LRAT: variants seen among roughly 807,000 people sequenced by gnomAD.
LRAT encodes the protein lecithin retinol acyltransferase.
In LRAT, 11 loss-of-function variants were observed where a neutral mutation model predicts 14.2. The observed-to-expected ratio is 0.78, with a 90% CI of 0.49 to 1.29. LRAT has a LOEUF of 1.29. LRAT is among the 50% of genes most tolerant of loss of function. The pLI is 0.00. For synonymous variants in LRAT, 144 were observed against 124.8 expected (o/e 1.15, Z -1.03); for missense variants, 274 against 292.4 (o/e 0.94, Z 0.46).
rs1199843946 is a variant in LRAT at position 154,749,084 on chromosome 4, A to C, written c.641A>C (p.Tyr214Ser). The C allele has an allele frequency of 5.6e-6, 9 of 1,613,740 alleles. No individual in the cohort carries two copies. In the African/African-American group the frequency reaches 1.1e-4, roughly 19 times the overall value. ...ATAGTCTGTACGGGCTTGGTATCAT[A>C]CACTACCCTTCCTGCAATTTTTATT... The part of the protein sequence containing the change: ...ASIVCTGLVS[Y>S]TTLPAIFIPF... The change falls in exon 3 of 3, where the codon TAC becomes TCC. Residue 214 changes from tyrosine to serine, a missense_variant. Physicochemically the swap from Tyr to Ser is moderately radical, Grantham distance 144 (BLOSUM62 -2). Coordinates refer to ENST00000336356, the MANE Select transcript of LRAT (RefSeq NM_004744.5).
At chr4:154,740,948 C>T (rs1732759892), upstream of LRAT, 1 of 152,214 alleles carries the variant, frequency 6.6e-6, no homozygotes, top group African/African-American at 2.4e-5. Context: ...TTTAGAAGAA[C>T]TAATGTTAGA....
chr4:154,747,805 A>T (rs1578862356), intron 2 of LRAT, among the ~76,000 whole-genome samples: 1 of 152,256 alleles, frequency 6.6e-6, no homozygotes, highest in East Asian at 1.9e-4. Context: ...CTAGTTTATT[A>T]AAAAAGGACA....
rs1178920244 is a variant in LRAT at position 154,744,367 on chromosome 4, A to T, written c.41A>T (p.Glu14Val). The T allele has an allele frequency of 3.7e-6, 6 of 1,614,014 alleles. No homozygotes were observed. Among genetic ancestry groups the T allele is most frequent in the Non-Finnish European group, 5.1e-6 (6 of 1,180,044 alleles). Reference protein sequence around the residue: ...PMLEVVSLLLEKLLLISNFTL... With the variant: ...PMLEVVSLLLVKLLLISNFTL... ...CTGGAGGTGGTGTCTTTACTACTGGAGAAGCTGCTCCTCATCTCCAACTTC... is the reference window on the plus strand; with the variant it reads ...CTGGAGGTGGTGTCTTTACTACTGGTGAAGCTGCTCCTCATCTCCAACTTC... The change falls in exon 2 of 3, where the codon GAG becomes GTG. Residue 14 changes from glutamate to valine, a missense_variant. By Grantham distance (121) the Glu-to-Val change is moderately radical. Transcript: ENST00000336356.
rs1204966535 is a variant in LRAT, at chr4:154,751,785, T to C, written c.*2649T>C. 7.0e-6 allele frequency: 1 copy of C among 143,132 alleles called. No homozygotes were observed. Among genetic ancestry groups the C allele is most frequent in the Non-Finnish European group, 1.5e-5 (1 of 65,982 alleles). The allele number at this position is 143,132 out of a possible 1,614,324, so 8.9% of individuals were successfully genotyped here. A position where few individuals can be genotyped will look rare whatever the true frequency, so the allele number is the denominator to read the frequency against. On this transcript the variant is annotated 3_prime_UTR_variant, in exon 3 of 3. Coordinates refer to ENST00000336356, the MANE Select transcript of LRAT (RefSeq NM_004744.5). ...AAAAAGAAGAAGAAACCCTGAGCCA[T>C]TAATGTGTCTCGTAACTTGAGGAAG...
At chr4:154,741,512 C>T (rs994256893), upstream of LRAT, among the ~76,000 whole-genome samples, 6 of 152,140 alleles carry the variant, frequency 3.9e-5, no homozygotes, top group African/African-American at 1.4e-4. Flanking sequence ...CTTCAAGAAA[C>T]TATGGACACT....
At chr4:154,743,940 A>G (rs1046447118), upstream of LRAT, 11 of 165,736 alleles carry the variant, frequency 6.6e-5, no homozygotes, top group African/African-American at 9.9e-5. Context: ...CGGGTCTGTG[A>G]CGGCCTTCGG....
intron 2 of LRAT, among the ~76,000 whole-genome samples, chr4:154,746,191 A>G (rs1356135907): frequency 1.3e-5 from 2 of 152,328 alleles, no homozygotes; most frequent in Non-Finnish European, 2.9e-5. Flanking sequence ...TTCAGTCTTT[A>G]TAATGGAAAC....
chr4:154,753,034 A>G lies in LRAT; in HGVS notation c.*3898A>G, dbSNP rs549326101. 1 of 152,344 alleles carries G rather than the reference A, an allele frequency of 6.6e-6. No homozygotes were observed. The highest frequency in any genetic ancestry group is 6.5e-5 in the Admixed American group (1 of 15,302). The allele number at this position is 152,344 out of a possible 1,614,324, so 9.4% of individuals were successfully genotyped here. A position where few individuals can be genotyped will look rare whatever the true frequency, so the allele number is the denominator to read the frequency against. ...AATCTTTGTTTTGTATGATCTATTTAGAGTTTTAACCAACCTAGATCTGTC... is the reference window on the plus strand; with the variant it reads ...AATCTTTGTTTTGTATGATCTATTTGGAGTTTTAACCAACCTAGATCTGTC... On this transcript the variant is annotated 3_prime_UTR_variant, in exon 3 of 3. Transcript: ENST00000336356.
chr4:154,745,006 CTTTTTTTTTTTTTT>C lies in LRAT; in HGVS notation c.540+157_540+170del, dbSNP rs70947181. The stretch of plus-strand genomic sequence containing the variant: ...TTCCATACCATCCTTTTTCTTTTTC[CTTTTTTTTTTTTTT>C]TTTTTTTTTTTTTTTTGAGACGGAG... On this transcript the variant is annotated intron_variant, in intron 2 of 2. Coordinates refer to ENST00000336356, the MANE Select transcript of LRAT (RefSeq NM_004744.5). The C allele has an allele frequency of 6.7e-4, 164 of 246,148 alleles. No individual in the cohort carries two copies. The African/African-American group carries it at 7.4e-3, about 11-fold the overall frequency. 15.2% of individuals were successfully genotyped at this position (246,148 alleles called of 1,614,324 possible).
At chr4:154,741,762 C>T (rs1445212706), upstream of LRAT, among the ~76,000 whole-genome samples, 1 of 152,070 alleles carries the variant, frequency 6.6e-6, no homozygotes, top group Non-Finnish European at 1.5e-5. Context: ...CTAATTCTTT[C>T]ATGTATATAA....
chr4:154,745,112 G>C (rs191850), intron 2 of LRAT, among the ~76,000 whole-genome samples: 1 of 139,946 alleles, frequency 7.1e-6, no homozygotes, highest in African/African-American at 2.7e-5. Context: ...TCCGCCTCCA[G>C]AGTTCACGCC....
rs1733016443 is a variant in LRAT at position 154,752,454 on chromosome 4, A to G, written c.*3318A>G. ...GAAAAGGAAAGCAATGGTCTGGTAC[A>G]AGTCTTGTATAGAACAAGAAGTTTA... On this transcript the variant is annotated 3_prime_UTR_variant, in exon 3 of 3. Transcript: ENST00000336356. 1 of 152,268 alleles carries G rather than the reference A, an allele frequency of 6.6e-6. No homozygotes were observed. The highest frequency in any genetic ancestry group is 1.5e-5 in the Non-Finnish European group (1 of 68,082). The allele number at this position is 152,268 out of a possible 1,614,324, so 9.4% of individuals were successfully genotyped here.
chr4:154,751,755 A>AAAG lies in LRAT; in HGVS notation c.*2621_*2622insGAA. 6.7e-6 allele frequency: 1 copy of AAAG among 149,888 alleles called. No individual in the cohort carries two copies. Among genetic ancestry groups the AAAG allele is most frequent in the Admixed American group, 6.7e-5 (1 of 15,030 alleles). The allele number at this position is 149,888 out of a possible 1,614,324, so 9.3% of individuals were successfully genotyped here. A position where few individuals can be genotyped will look rare whatever the true frequency, so the allele number is the denominator to read the frequency against. Reference sequence around the variant, plus strand: ...TCTCAAAAAAAAAAAAAAAAAAAAAAAAAAAAAAAGAAGAAGAAACCCTGA... The same window carrying AAAG: ...TCTCAAAAAAAAAAAAAAAAAAAAAAAAGAAAAAAAAAGAAGAAGAAACCCTGA... On this transcript the variant is annotated 3_prime_UTR_variant, in exon 3 of 3. Coordinates refer to ENST00000336356, the MANE Select transcript of LRAT (RefSeq NM_004744.5).
At chr4:154,747,509 T>C (rs1323468810) in intron 2 of LRAT, among the ~76,000 whole-genome samples, 1 of 152,158 alleles carries the variant, frequency 6.6e-6, no homozygotes, top group African/African-American at 2.4e-5. Context: ...AATTTCCTAC[T>C]GTTGAGCACC....
intron 2 of LRAT, chr4:154,745,656 A>G (rs1022378813): frequency 1.3e-5 from 2 of 152,228 alleles, no homozygotes; most frequent in African/African-American, 4.8e-5. Flanking sequence ...CCATAACACT[A>G]TAAACAAAGT....
chr4:154,744,596 G>C lies in LRAT; in HGVS notation c.270G>C (p.Lys90Asn). 1 of 1,614,184 alleles carries C rather than the reference G, an allele frequency of 6.2e-7. No homozygotes were observed. Among genetic ancestry groups the C allele is most frequent in the Non-Finnish European group, 8.5e-7 (1 of 1,180,038 alleles). Residue 90 changes from lysine (K) to asparagine (N), a missense_variant, in exon 2 of 3, where the codon AAG becomes AAC. By Grantham distance (94) the Lys-to-Asn change is moderately conservative. Transcript: ENST00000336356. ...CAGACGACATGGGGCGCACGCAGAA[G>C]GTGGTCTCCAACAAGCGTCTCATCC... Reference protein sequence around the residue: ...ALTDDMGRTQKVVSNKRLILG... With the variant: ...ALTDDMGRTQNVVSNKRLILG...
At chr4:154,748,173 C>T in intron 2 of LRAT, 1 of 952,454 alleles carries the variant, frequency 1.0e-6, no homozygotes, top group Non-Finnish European at 1.3e-6. Flanking sequence ...CACTGTAATA[C>T]CTTATGTTTA....
Position 154,744,960 on chromosome 4 carries a change from C to G in LRAT, c.540+94C>G. On this transcript the variant is annotated intron_variant, in intron 2 of 2. Coordinates refer to ENST00000336356, the MANE Select transcript of LRAT (RefSeq NM_004744.5). ...CTTCCCCGCGAGTAGGGATCTAATTCCTGGACACCTCCCCTACCACTTCCA... is the reference window on the plus strand; with the variant it reads ...CTTCCCCGCGAGTAGGGATCTAATTGCTGGACACCTCCCCTACCACTTCCA... The G allele has an allele frequency of 2.7e-6, 3 of 1,120,782 alleles. No homozygotes were observed. In the Admixed American group the frequency reaches 5.1e-5, roughly 19 times the overall value. 69.4% of individuals were successfully genotyped at this position (1,120,782 alleles called of 1,614,324 possible).
chr4:154,747,544 G>C (rs1478232241), intron 2 of LRAT, among the ~76,000 whole-genome samples: 1 of 152,088 alleles, frequency 6.6e-6, no homozygotes, highest in Non-Finnish European at 1.5e-5. Flanking sequence ...CTGGTCTGCT[G>C]ACCAAGTGAA....
Sources: gnomAD v4.1 joint callset for allele counts (sites outside exome capture counted in the v4.1 genomes callset) on GRCh38, gnomAD v4.1.1 for gene constraint, MANE v1.5 for transcripts, NCBI Gene and HGNC (gene_info 2026-07-23, HGNC 2026-07-21) for gene names.